The following NELL1 variants were observed in gnomAD, a reference collection of about 807,000 sequenced individuals.
NELL1 encodes the protein neural EGFL like 1, also known as protein kinase C-binding protein NELL1.
NELL1 carries 76 observed loss-of-function variants against 107.4 expected under a neutral mutation model. That is an observed-to-expected ratio of 0.71 (90% confidence interval 0.59 to 0.86). The LOEUF (loss-of-function observed/expected upper bound fraction) is 0.86, where lower values mean the gene tolerates loss of function less well. Ranked by LOEUF, NELL1 falls within the 40% of genes least tolerant of loss-of-function variation. The pLI is 0.00. For missense variants in NELL1, 1,024 were observed against 1,005.5 expected, an observed-to-expected ratio of 1.02 and a Z score of -0.25; for synonymous variants, 353 against 341.2, an observed-to-expected ratio of 1.03 and a Z score of -0.38.
rs1491370456 is a variant in NELL1 at position 20,767,744 on chromosome 11, ATT to A, written c.185-15935_185-15934del. Reference sequence around the variant, plus strand: ...TATTCATTCATTCATTCATTCATTCATTCATGCACTCAACAAATATTTATTGC... The same window carrying A: ...TATTCATTCATTCATTCATTCATTCACATGCACTCAACAAATATTTATTGC... On this transcript the variant is annotated intron_variant, in intron 2 of 19. Transcript: ENST00000357134. 2.8e-3 allele frequency among the ~76,000 whole-genome samples: 428 copies of A among 152,246 alleles called. 2 individuals carry two copies. Among genetic ancestry groups the A allele is most frequent in the African/African-American group, 9.8e-3 (406 of 41,540 alleles).
chr11:21,056,164 A>C (rs1005191266), intron 12 of NELL1, among the ~76,000 whole-genome samples: 1 of 152,202 alleles, frequency 6.6e-6, no homozygotes, highest in African/African-American at 2.4e-5. Flanking sequence ...GGATAGAGTC[A>C]GACTGAATGA....
Position 21,057,271 on chromosome 11 carries a change from T to C in NELL1, c.1301-56318T>C, listed in dbSNP as rs113638893. Reference sequence around the variant, plus strand: ...ATATATGCAAACTAAAATGATTAGATGCATTTTTCATCTATCGAATAAGAC... The same window carrying C: ...ATATATGCAAACTAAAATGATTAGACGCATTTTTCATCTATCGAATAAGAC... On this transcript the variant is annotated intron_variant, in intron 12 of 19. Transcript: ENST00000357134. Among the ~76,000 whole-genome samples the C allele has an allele frequency of 8.7e-3, 1,331 of 152,176 alleles. 23 individuals are homozygous for C. Among genetic ancestry groups the C allele is most frequent in the African/African-American group, 0.03 (1,265 of 41,534 alleles).
At chr11:21,159,845 A>G (rs184957942) in intron 13 of NELL1, among the ~76,000 whole-genome samples, 224 of 152,330 alleles carry the variant, frequency 1.5e-3, no homozygotes, top group African/African-American at 5.1e-3. Flanking sequence ...AATAGGGTCC[A>G]TATCCCTCTT....
At chr11:21,135,523 T>A (rs927937585) in intron 13 of NELL1, among the ~76,000 whole-genome samples, 1 of 152,176 alleles carries the variant, frequency 6.6e-6, no homozygotes, top group African/African-American at 2.4e-5. Context: ...TGAATTTGTG[T>A]CTTAGTTCTA....
chr11:20,827,744 GC>G (rs1857915771), intron 3 of NELL1, among the ~76,000 whole-genome samples: 1 of 151,260 alleles, frequency 6.6e-6, no homozygotes, highest in Admixed American at 6.6e-5. Context: ...ATGAGTCCTA[GC>G]TCTGTGCCAA....
At chr11:21,467,251 C>T (rs981952514) in intron 15 of NELL1, among the ~76,000 whole-genome samples, 14 of 152,022 alleles carry the variant, frequency 9.2e-5, no homozygotes, top group African/African-American at 3.4e-4. Context: ...GTCTCAGTTT[C>T]CTCAGCTGTA....
chr11:21,475,125 A>C (rs896228950), intron 15 of NELL1, among the ~76,000 whole-genome samples: 19 of 152,178 alleles, frequency 1.2e-4, no homozygotes, highest in African/African-American at 4.6e-4. Context: ...TAAAAGCAAA[A>C]TCTAACTTAA....
At chr11:21,094,177 T>C (rs906734107) in intron 12 of NELL1, among the ~76,000 whole-genome samples, 2 of 152,190 alleles carry the variant, frequency 1.3e-5, no homozygotes, top group South Asian at 2.1e-4. Context: ...ACAGGCCCCA[T>C]GGAAGTCTGA....
chr11:20,842,775 G>T (rs573282421), intron 3 of NELL1, among the ~76,000 whole-genome samples: 2 of 152,304 alleles, frequency 1.3e-5, no homozygotes, highest in African/African-American at 4.8e-5. Flanking sequence ...TTGCAGACTA[G>T]TGCCTGGCCC....
chr11:21,087,086 G>T (rs1327117369), intron 12 of NELL1, among the ~76,000 whole-genome samples: 1 of 152,078 alleles, frequency 6.6e-6, no homozygotes, highest in South Asian at 2.1e-4. Context: ...TGATCCGCAC[G>T]CCTCGGCCGC....
chr11:20,890,471 G>A (rs1273813750), intron 5 of NELL1, among the ~76,000 whole-genome samples: 2 of 152,086 alleles, frequency 1.3e-5, no homozygotes, highest in Non-Finnish European at 2.9e-5. Context: ...TGATTTCAAT[G>A]TCTCTCCATC....
At chr11:21,284,246 G>A (rs554707140) in intron 14 of NELL1, 11 of 456,708 alleles carry the variant, frequency 2.4e-5, no homozygotes, top group Non-Finnish European at 4.4e-5. Context: ...TTTGCCAAAC[G>A]TGGAGACCTG....
chr11:20,732,041 C>G (rs1238049542), intron 2 of NELL1, among the ~76,000 whole-genome samples: 1 of 152,126 alleles, frequency 6.6e-6, no homozygotes, highest in Non-Finnish European at 1.5e-5. Flanking sequence ...CCTCTGGGAC[C>G]CATCCTTTCT....
intron 14 of NELL1, among the ~76,000 whole-genome samples, chr11:21,329,592 T>C (rs1005573466): frequency 6.6e-6 from 1 of 152,208 alleles, no homozygotes; most frequent in Non-Finnish European, 1.5e-5. Context: ...GAATTCTATA[T>C]ACAGTATAAA....
intron 12 of NELL1, among the ~76,000 whole-genome samples, chr11:21,102,792 A>T (rs79880664): frequency 0.019 from 2,915 of 152,250 alleles, 74 homozygotes; most frequent in African/African-American, 0.066. Flanking sequence ...AATAATTATT[A>T]TGCATTTAAA....
intron 14 of NELL1, among the ~76,000 whole-genome samples, chr11:21,370,107 T>A (rs1471993629): frequency 1.3e-5 from 2 of 152,062 alleles, no homozygotes; most frequent in African/African-American, 4.8e-5. Flanking sequence ...GGAGCTATTT[T>A]ATGCTATGCA....
intron 13 of NELL1, among the ~76,000 whole-genome samples, chr11:21,181,636 T>C (rs1856828673): frequency 6.6e-6 from 1 of 151,922 alleles, no homozygotes; most frequent in African/African-American, 2.4e-5. Flanking sequence ...ATACATTCAG[T>C]AAGAAGTTTG....
chr11:21,048,711 G>T (rs533378316), intron 12 of NELL1, among the ~76,000 whole-genome samples: 4 of 152,142 alleles, frequency 2.6e-5, no homozygotes, highest in Non-Finnish European at 4.4e-5. Context: ...ACTACCTTAC[G>T]ATTCTTAGGC....
intron 10 of NELL1, among the ~76,000 whole-genome samples, chr11:20,941,579 A>G (rs1207750968): frequency 6.6e-6 from 1 of 152,140 alleles, no homozygotes; most frequent in Non-Finnish European, 1.5e-5. Context: ...ACGGAAGACA[A>G]TTATAGGCAT....
Sources: gnomAD v4.1 joint callset for allele counts (sites outside exome capture counted in the v4.1 genomes callset) on GRCh38, gnomAD v4.1.1 for gene constraint, MANE v1.5 for transcripts, NCBI Gene and HGNC (gene_info 2026-07-23, HGNC 2026-07-21) for gene names.